Variants in POLG observed in about 807,000 individuals in gnomAD.
The protein encoded by POLG is DNA polymerase gamma, catalytic subunit.
In POLG, 110 loss-of-function variants were observed where a neutral mutation model predicts 155.4. The observed-to-expected ratio is 0.71, with a 90% CI of 0.61 to 0.83. The LOEUF is 0.83. Among genes scored for constraint, POLG ranks in the 40% least tolerant of loss-of-function variants. POLG has a pLI of 0.00. For synonymous variants in POLG, 701 were observed against 631.5 expected, an observed-to-expected ratio of 1.11 and a Z score of -1.65; for missense variants, 1,685 against 1,627.5, an observed-to-expected ratio of 1.04 and a Z score of -0.61.
In POLG at chr15:89,331,020, G is replaced by A. The variant is rs567416771; in HGVS notation, c.660-744C>T. On this transcript the variant is annotated intron_variant, in intron 2 of 22. Coordinates refer to ENST00000268124, the MANE Select transcript of POLG (RefSeq NM_002693.3). ...CTAGGTGTAGGGGAATGGCCACTGA[G>A]GAAATGCCTGTTGCAAGCCACAGAT... Among the ~76,000 whole-genome samples, 8 of 152,280 alleles carry A rather than the reference G, an allele frequency of 5.3e-5. No individual in the cohort carries two copies. The South Asian group carries it at 6.2e-4, about 12-fold the overall frequency.
intron 21 of POLG, 73 bp downstream of exon 21, chr15:89,318,468 G>A: frequency 1.6e-6 from 2 of 1,242,192 alleles, no homozygotes; most frequent in Admixed American, 1.7e-5. Flanking sequence ...TGACCAGTCT[G>A]GCCCAAGGAA....
rs3176201 is a variant in POLG, at chr15:89,323,168, C to T, written c.2265+236G>A. Among the ~76,000 whole-genome samples the T allele has an allele frequency of 0.028, 4,241 of 152,306 alleles. 173 individuals are homozygous for T. Among genetic ancestry groups the T allele is most frequent in the African/African-American group, 0.093 (3,848 of 41,544 alleles). ...AACCTATCACGTACCAGATGTCGTA[C>T]CAAACATACGACGTGCCCCATGTCA... On this transcript the variant is annotated intron_variant, in intron 13 of 22. Transcript: ENST00000268124.
chr15:89,325,613 T>C lies in POLG; in HGVS notation c.1786A>G (p.Met596Val), dbSNP rs528992157. Residue 596 changes from methionine (M) to valine (V), a missense_variant, in exon 10 of 23, where the codon ATG becomes GTG. This residue lies in a region of POLG where 1,210 missense variants were observed against 1,167.1 expected (regional missense o/e 1.04). Transcript: ENST00000268124. ...GCCATGAGTTTAGGTGTGACCCGCA[T>C]CTGCAGGCTGAGGAGGCTGGGGCCC... Reference protein sequence around the residue: ...TPGPSLLSLQMRVTPKLMALT... With the variant: ...TPGPSLLSLQVRVTPKLMALT... The C allele has an allele frequency of 1.9e-6, 3 of 1,613,638 alleles. No individual in the cohort carries two copies. Among genetic ancestry groups the C allele is most frequent in the Non-Finnish European group, 2.5e-6 (3 of 1,180,016 alleles).
At chr15:89,317,652 A>G (rs2055318379) in intron 21 of POLG, 116 bp from the exon 22 acceptor site, 1 of 987,832 alleles carries the variant, frequency 1.0e-6, no homozygotes, top group Non-Finnish European at 1.6e-6. Flanking sequence ...CCAACACCCC[A>G]TCTGTTCACT....
At position 89,325,271 on chromosome 15, in the gene POLG, TGA is replaced by T. The variant is rs1170298448; in HGVS notation, c.1949+177_1949+178del. Among the ~76,000 whole-genome samples the T allele has an allele frequency of 1.5e-4, 14 of 92,768 alleles. 2 individuals carry two copies. Among genetic ancestry groups the T allele is most frequent in the South Asian group, 3.1e-4 (1 of 3,234 alleles). The allele number at this position is 92,768 out of a possible 152,430, so 60.9% of individuals were successfully genotyped here. ...GTGAGAGAGAGAGTGAGTGAGTGAG[TGA>T]GAGAGAGAGAAAGAGAGAGAGAGAG... is the stretch of plus-strand genomic sequence containing the variant. On this transcript the variant is annotated intron_variant, in intron 10 of 22. Transcript: ENST00000268124.
chr15:89,323,045 GCGCA>G (rs1235549686), intron 13 of POLG, 143 bp from the exon 14 acceptor site: 11 of 679,268 alleles, frequency 1.6e-5, no homozygotes, highest in Middle Eastern at 4.5e-4. Context: ...TCACGCACGC[GCGCA>G]CGCGCGCACG....
rs1223132333 is a variant in POLG, at chr15:89,333,919, G to A, written c.-159-6C>T. ...CCTGCCTTCCACCCCAAATCCTAAA[G>A]GAGACAGATGATATAAAGCGTTATT... is the stretch of plus-strand genomic sequence containing the variant. On this transcript the variant is annotated splice_region_variant and splice_polypyrimidine_tract_variant and intron_variant, in intron 1 of 22. Coordinates refer to ENST00000268124, the MANE Select transcript of POLG (RefSeq NM_002693.3). The A allele has an allele frequency of 1.4e-6, 1 of 717,464 alleles. No homozygotes were observed. The highest frequency in any genetic ancestry group is 2.7e-5 in the East Asian group (1 of 36,886). 44.4% of individuals were successfully genotyped at this position (717,464 alleles called of 1,614,324 possible).
chr15:89,318,765 G>A lies in POLG; in HGVS notation c.3274-16C>T. 6.2e-7 allele frequency: 1 copy of A among 1,610,420 alleles called. No homozygotes were observed. Among genetic ancestry groups the A allele is most frequent in the Non-Finnish European group, 8.5e-7 (1 of 1,177,014 alleles). ...TGGTCATAAACTGGGAAGGGAAGGT[G>A]GGCAGAGGTGAAAGGGGCTATGCTA... On this transcript the variant is annotated splice_polypyrimidine_tract_variant and intron_variant, in intron 20 of 22. Coordinates refer to ENST00000268124, the MANE Select transcript of POLG (RefSeq NM_002693.3).
Position 89,328,929 on chromosome 15 carries a change from C to T in POLG, c.1023+14G>A, listed in dbSNP as rs1261323886. The T allele has an allele frequency of 1.2e-6, 2 of 1,614,122 alleles. No individual in the cohort carries two copies. Among genetic ancestry groups the T allele is most frequent in the Admixed American group, 1.7e-5 (1 of 60,038 alleles). ...CAAGCACTATGCTCCTGCCCACCGGCAGTGTGCTCTCACCGCTGGGCCTCT... is the reference window on the plus strand; with the variant it reads ...CAAGCACTATGCTCCTGCCCACCGGTAGTGTGCTCTCACCGCTGGGCCTCT... On this transcript the variant is annotated intron_variant, in intron 4 of 22. Transcript: ENST00000268124.
intron 6 of POLG, among the ~76,000 whole-genome samples, 167 bp downstream of exon 6, chr15:89,328,289 G>A (rs1270907450): frequency 6.6e-6 from 1 of 152,092 alleles, no homozygotes; most frequent in African/African-American, 2.4e-5. Context: ...GTCAAATCCA[G>A]AGTCCAGGGC....
intron 10 of POLG, 135 bp downstream of exon 10, chr15:89,325,315 T>TGTGTGTGTG: frequency 4.3e-6 from 3 of 690,388 alleles, no homozygotes; most frequent in Admixed American, 4.2e-5. Flanking sequence ...TGTGTGTGTG[T>TGTGTGTGTG]TAATTTTTTT....
At chr15:89,322,085 G>C (rs2055405293) in intron 14 of POLG, 70 bp from the exon 15 acceptor site, 1 of 1,361,686 alleles carries the variant, frequency 7.3e-7, no homozygotes, top group African/African-American at 1.4e-5. Context: ...TCCCACCATG[G>C]CCCTCACCTG....
chr15:89,320,811 G>A lies in POLG; in HGVS notation c.2936C>T (p.Ala979Val). The A allele has an allele frequency of 1.2e-6, 2 of 1,613,884 alleles. No individual in the cohort carries two copies. Among genetic ancestry groups the A allele is most frequent in the Non-Finnish European group, 1.7e-6 (2 of 1,180,018 alleles). The change falls in exon 18 of 23, where the codon GCT becomes GTT. Residue 979 changes from alanine to valine, a missense_variant. Ala to Val is a moderately conservative substitution (Grantham distance 64, BLOSUM62 0). Coordinates refer to ENST00000268124, the MANE Select transcript of POLG (RefSeq NM_002693.3). ...AGCGTACATCTGCTGGGCCTTCTCA[G>A]CTGCCTCCTGCTGTGTGAGCCGGTG... ...FNHRLTQQEA[A>V]EKAQQMYAAT...
chr15:89,333,638 C>A lies in POLG; in HGVS notation c.117G>T (p.Gln39His). ...GCTGCTGCTGCTGCTGCCGCCGCCG[C>A]TGCCCGTCGCTGGGGTCGGACGCGG... is the stretch of plus-strand genomic sequence containing the variant. ...SVPASDPSDG[Q>H]RRRQQQQQQQ... The change falls in exon 2 of 23, where the codon CAG becomes CAT. Residue 39 changes from glutamine to histidine, a missense_variant. Physicochemically the swap from Gln to His is conservative, Grantham distance 24. This residue lies in a region of POLG where 1,210 missense variants were observed against 1,167.1 expected (regional missense o/e 1.04). Transcript: ENST00000268124. 6.3e-7 allele frequency: 1 copy of A among 1,591,446 alleles called. No individual in the cohort carries two copies. Among genetic ancestry groups the A allele is most frequent in the East Asian group, 2.3e-5 (1 of 43,928 alleles).
Position 89,333,918 on chromosome 15 carries a change from A to T in POLG, c.-159-5T>A, listed in dbSNP as rs557777069. On this transcript the variant is annotated splice_region_variant and splice_polypyrimidine_tract_variant and intron_variant, in intron 1 of 22. Coordinates refer to ENST00000268124, the MANE Select transcript of POLG (RefSeq NM_002693.3). ...GCCTGCCTTCCACCCCAAATCCTAA[A>T]GGAGACAGATGATATAAAGCGTTAT... 1.1e-5 allele frequency: 8 copies of T among 730,272 alleles called. No homozygotes were observed. In the East Asian group the frequency reaches 1.9e-4, roughly 17 times the overall value. The allele number at this position is 730,272 out of a possible 1,614,324, so 45.2% of individuals were successfully genotyped here.
In POLG at chr15:89,321,808, G is replaced by C. The variant is rs758903771; in HGVS notation, c.2526C>G (p.Pro842=). The change falls in exon 16 of 23, where the codon CCC becomes CCG. Residue 842 remains proline (P), a synonymous_variant. Coordinates refer to ENST00000268124, the MANE Select transcript of POLG (RefSeq NM_002693.3). ...TGATGGTGCCGGCAGTCACCACTTGGGGCAGGATGGCCCCATAGAGGCCTT... is the reference window on the plus strand; with the variant it reads ...TGATGGTGCCGGCAGTCACCACTTGCGGCAGGATGGCCCCATAGAGGCCTT... ...DEEGLYGAIL[P]QVVTAGTITR... 6.2e-7 allele frequency: 1 copy of C among 1,614,046 alleles called. No homozygotes were observed. The highest frequency in any genetic ancestry group is 1.1e-5 in the South Asian group (1 of 91,084).
intron 9 of POLG, 23 bp from the exon 10 acceptor site, chr15:89,325,709 C>T: frequency 6.5e-7 from 1 of 1,543,660 alleles, no homozygotes; most frequent in South Asian, 1.1e-5. Flanking sequence ...AGGAAGACAG[C>T]AGTGTCACGA....
chr15:89,327,499 C>A, intron 6 of POLG, 150 bp from the exon 7 acceptor site: 2 of 723,572 alleles, frequency 2.8e-6, no homozygotes, highest in Non-Finnish European at 4.8e-6. Flanking sequence ...TACTGTTACT[C>A]ATCCCTGGGT....
chr15:89,327,488 C>A (rs931978930), intron 6 of POLG, 139 bp from the exon 7 acceptor site: 1 of 751,924 alleles, frequency 1.3e-6, no homozygotes, highest in African/African-American at 1.7e-5. Flanking sequence ...AATCCCAGCT[C>A]TACTGTTACT....
Sources: allele counts gnomAD v4.1 joint callset (sites outside exome capture counted in the v4.1 genomes callset), GRCh38; gene constraint gnomAD v4.1.1; regional missense constraint gnomAD v4.1.1; transcripts MANE v1.5; gene names NCBI Gene and HGNC (gene_info 2026-07-23, HGNC 2026-07-21).